SDK1: variants seen among roughly 807,000 people sequenced by gnomAD.
SDK1 encodes the protein protein sidekick-1.
Under a neutral mutation model 245.5 loss-of-function variants are expected in SDK1, and 157 were observed. The ratio of observed to expected loss-of-function variants is 0.64; its 90% CI spans 0.56 to 0.73. The LOEUF is 0.73. Among genes scored for constraint, SDK1 ranks in the 30% least tolerant of loss-of-function variants. SDK1 has a pLI of 0.00. For synonymous variants in SDK1, 1,647 were observed against 1,278.5 expected (o/e 1.29, Z -6.15); for missense variants, 3,583 against 3,002.3 (o/e 1.19, Z -4.52).
At chr7:3,327,007 T>C (rs1779955714) in intron 1 of SDK1, among the ~76,000 whole-genome samples, 7 of 152,242 alleles carry the variant, frequency 4.6e-5, no homozygotes, top group Admixed American at 4.6e-4. Context: ...ATTTAGCTCT[T>C]AGGTTGAATA....
At chr7:3,556,220 G>T (rs906933429) in intron 1 of SDK1, among the ~76,000 whole-genome samples, 6 of 145,156 alleles carry the variant, frequency 4.1e-5, no homozygotes, top group Non-Finnish European at 7.6e-5. Flanking sequence ...ATACACGATG[G>T]AGTATATTCA....
At chr7:3,440,634 G>A (rs138202332) in intron 1 of SDK1, among the ~76,000 whole-genome samples, 1 of 152,242 alleles carries the variant, frequency 6.6e-6, no homozygotes, top group Non-Finnish European at 1.5e-5. Context: ...GTGCCAGAGA[G>A]AAGATAGAAA....
intron 32 of SDK1, among the ~76,000 whole-genome samples, chr7:4,173,264 CACCCAGA>C (rs1562386897): frequency 2.0e-5 from 3 of 152,222 alleles, no homozygotes; most frequent in Non-Finnish European, 4.4e-5. Flanking sequence ...GGAGGCTCAG[CACCCAGA>C]TGAGTGCAGA....
chr7:4,093,805 G>A (rs1019148713), intron 22 of SDK1, among the ~76,000 whole-genome samples: 4 of 152,206 alleles, frequency 2.6e-5, no homozygotes, highest in Non-Finnish European at 5.9e-5. Flanking sequence ...GGGAGGCCAC[G>A]GGCTGTGTTT....
At chr7:3,376,691 AGTAAC>A (rs1010150811) in intron 1 of SDK1, among the ~76,000 whole-genome samples, 1 of 152,326 alleles carries the variant, frequency 6.6e-6, no homozygotes, top group African/African-American at 2.4e-5. Context: ...AGGGCAGTCT[AGTAAC>A]ATGTCTCAAA....
chr7:3,518,132 T>C (rs1782808960), intron 1 of SDK1, among the ~76,000 whole-genome samples: 1 of 152,164 alleles, frequency 6.6e-6, no homozygotes, highest in African/African-American at 2.4e-5. Context: ...GATGAGCTTA[T>C]ATAGCATACC....
chr7:4,040,989 G>C (rs1369268717), intron 17 of SDK1, among the ~76,000 whole-genome samples: 1 of 152,152 alleles, frequency 6.6e-6, no homozygotes, highest in Admixed American at 6.5e-5. Flanking sequence ...GAAATGATTT[G>C]GGAGCTGTTT....
intron 1 of SDK1, among the ~76,000 whole-genome samples, chr7:3,539,103 T>G (rs1169993269): frequency 6.6e-6 from 1 of 152,210 alleles, no homozygotes; most frequent in South Asian, 2.1e-4. Context: ...GCAGACAGAT[T>G]ATATTAGCTC....
At chr7:3,932,052 T>C (rs369423175) in intron 5 of SDK1, among the ~76,000 whole-genome samples, 3 of 152,220 alleles carry the variant, frequency 2.0e-5, no homozygotes, top group Non-Finnish European at 2.9e-5. Flanking sequence ...TGAGTAATCA[T>C]TGACCTGCCA....
intron 4 of SDK1, among the ~76,000 whole-genome samples, chr7:3,671,901 A>G (rs895322760): frequency 5.3e-5 from 8 of 152,008 alleles, no homozygotes; most frequent in African/African-American, 1.9e-4. Flanking sequence ...TTGCTTGCTT[A>G]TTGTTTGTGT....
At chr7:3,713,312 G>T (rs1158430848) in intron 4 of SDK1, among the ~76,000 whole-genome samples, 1 of 152,162 alleles carries the variant, frequency 6.6e-6, no homozygotes, top group Non-Finnish European at 1.5e-5. Context: ...GTACAATTGG[G>T]GTTGTTTGTC....
chr7:3,869,176 G>T (rs755059298), intron 5 of SDK1, among the ~76,000 whole-genome samples: 7 of 132,604 alleles, frequency 5.3e-5, no homozygotes, highest in Non-Finnish European at 7.8e-5. Context: ...TTTTTTTTGA[G>T]GCAGGGTCTC....
intron 14 of SDK1, among the ~76,000 whole-genome samples, chr7:4,001,048 G>A (rs1785039209): frequency 6.6e-6 from 1 of 152,140 alleles, no homozygotes; most frequent in African/African-American, 2.4e-5. Context: ...CCACATCCTT[G>A]GTTGGTCCTC....
chr7:3,970,612 C>T lies in SDK1; in HGVS notation c.1715-854C>T, dbSNP rs369524954. 2.0e-4 allele frequency among the ~76,000 whole-genome samples: 31 copies of T among 152,276 alleles called. No homozygotes were observed. In the East Asian group the frequency reaches 4.2e-3, roughly 21 times the overall value. On this transcript the variant is annotated intron_variant, in intron 11 of 44. Transcript: ENST00000404826. The stretch of plus-strand genomic sequence containing the variant: ...GGTATCTGAATCTCTGTAGATCATT[C>T]GCCAGAAAATTTTGTGGATCTGCTG...
Position 4,102,374 on chromosome 7 carries a change from T to A in SDK1, c.3325-8289T>A, listed in dbSNP as rs962123069. Among the ~76,000 whole-genome samples the A allele has an allele frequency of 3.9e-5, 6 of 152,234 alleles. No individual in the cohort carries two copies. The East Asian group carries it at 7.8e-4, about 20-fold the overall frequency. ...TGTGGAAGTTGCTAGACGTGCAAGT[T>A]TTCCTGCTGACACCAGAGTTTCAGC... On this transcript the variant is annotated intron_variant, in intron 22 of 44. Coordinates refer to ENST00000404826, the MANE Select transcript of SDK1 (RefSeq NM_152744.4).
intron 5 of SDK1, among the ~76,000 whole-genome samples, chr7:3,947,046 G>A (rs1780605730): frequency 6.6e-6 from 1 of 152,166 alleles, no homozygotes; most frequent in Non-Finnish European, 1.5e-5. Flanking sequence ...TGATGGATGA[G>A]CTTTTTACCT....
intron 4 of SDK1, among the ~76,000 whole-genome samples, chr7:3,672,467 G>C (rs1300213417): frequency 6.6e-6 from 1 of 150,802 alleles, no homozygotes; most frequent in Non-Finnish European, 1.5e-5. Context: ...AGCCAAAAGA[G>C]ATAGGACATA....
At chr7:3,798,442 C>G (rs997145925) in intron 4 of SDK1, among the ~76,000 whole-genome samples, 2 of 152,062 alleles carry the variant, frequency 1.3e-5, no homozygotes, top group African/African-American at 4.8e-5. Context: ...TGGTCTTGAT[C>G]TCCTGACCTT....
intron 14 of SDK1, among the ~76,000 whole-genome samples, chr7:3,993,022 G>A (rs997649187): frequency 3.9e-5 from 6 of 152,090 alleles, no homozygotes; most frequent in Admixed American, 1.3e-4. Context: ...CAGTTGAAAC[G>A]TCTTACTGGT....
Sources: allele counts gnomAD v4.1 joint callset (sites outside exome capture counted in the v4.1 genomes callset), GRCh38; gene constraint gnomAD v4.1.1; transcripts MANE v1.5; gene names NCBI Gene and HGNC (gene_info 2026-07-23, HGNC 2026-07-21).